Variants in FBXO41 observed in about 807,000 individuals in gnomAD.
FBXO41 encodes F-box protein 41, also known as F-box only protein 41.
In FBXO41, 33 loss-of-function variants were observed where a neutral mutation model predicts 81.6. That is an observed-to-expected ratio of 0.40 (90% CI 0.31 to 0.54). The LOEUF (loss-of-function observed/expected upper bound fraction) is 0.54, where lower values mean the gene tolerates loss of function less well. Among genes scored for constraint, FBXO41 ranks in the 20% least tolerant of loss-of-function variants. The probability of loss-of-function intolerance (pLI) is 0.39; values close to 1 mark genes in which losing one functional copy is unlikely to be tolerated. For missense variants in FBXO41, 1,107 were observed against 1,236.0 expected, an observed-to-expected ratio of 0.90 and a Z score of 1.56; for synonymous variants, 576 against 552.7, an observed-to-expected ratio of 1.04 and a Z score of -0.59.
chr2:73,258,831 AG>A lies in FBXO41; in HGVS notation c.*150del. ...GTCAGGCCTGTTGCTCTGCTGCTCCAGGAGGAGGACAGGAGACTTGACAGTC... is the reference window on the plus strand; with the variant it reads ...GTCAGGCCTGTTGCTCTGCTGCTCCAGAGGAGGACAGGAGACTTGACAGTC... On this transcript the variant is annotated 3_prime_UTR_variant, in exon 13 of 13. Coordinates refer to ENST00000520530, the MANE Select transcript of FBXO41 (RefSeq NM_001371389.2). 1 of 840,456 alleles carries A rather than the reference AG, an allele frequency of 1.2e-6. No individual in the cohort carries two copies. Among genetic ancestry groups the A allele is most frequent in the Non-Finnish European group, 1.8e-6 (1 of 557,220 alleles). The allele number at this position is 840,456 out of a possible 1,614,324, so 52.1% of individuals were successfully genotyped here.
In FBXO41 at chr2:73,268,847, T is replaced by C. The variant is rs779383544; in HGVS notation, c.784A>G (p.Lys262Glu). Reference protein sequence around the residue: ...RQESARLGREKEELEERASEL... With the variant: ...RQESARLGREEEELEERASEL... ...GACGCGCGCTCCTCCAGCTCCTCCT[T>C]CTCGCGCCCGAGCCTCGCACTCTCC... is the stretch of plus-strand genomic sequence containing the variant. The change falls in exon 2 of 13, where the codon AAG (lysine) becomes GAG (glutamate). Residue 262 changes from lysine (K) to glutamate (E), a missense_variant. This residue lies in a region of FBXO41 where 771 missense variants were observed against 789.2 expected (regional missense o/e 0.98). Transcript: ENST00000520530. 5.1e-6 allele frequency: 8 copies of C among 1,572,222 alleles called. No individual in the cohort carries two copies. The highest frequency in any genetic ancestry group is 5.2e-6 in the Non-Finnish European group (6 of 1,160,486).
chr2:73,264,181 G>T (rs1034134002), intron 6 of FBXO41, 97 bp downstream of exon 6: 2 of 1,582,036 alleles, frequency 1.3e-6, no homozygotes, highest in South Asian at 1.1e-5. Flanking sequence ...TTACAGTGTT[G>T]TAAGGGTTGC....
At position 73,276,560 on chromosome 2, in the gene FBXO41, C is replaced by G. The variant is rs941539269; in HGVS notation, c.-138-6792G>C. 4.8e-3 allele frequency among the ~76,000 whole-genome samples: 512 copies of G among 106,414 alleles called. 8 individuals carry two copies. The highest frequency in any genetic ancestry group is 0.018 in the African/African-American group (455 of 25,546). 69.8% of individuals were successfully genotyped at this position (106,414 alleles called of 152,430 possible). ...TAAACAGCTCTCTGGCAAATCTATT[C>G]AGAGAGAGAGAGAGAGAGAGAGAGA... On this transcript the variant is annotated intron_variant, in intron 1 of 12. Coordinates refer to ENST00000520530, the MANE Select transcript of FBXO41 (RefSeq NM_001371389.2).
Position 73,268,857 on chromosome 2 carries a change from G to A in FBXO41, c.774C>T (p.Leu258=), listed in dbSNP as rs1230329080. Residue 258 remains leucine (L), a synonymous_variant, in exon 2 of 13, where the codon CTC becomes CTT. Transcript: ENST00000520530. ...CCTCCAGCTCCTCCTTCTCGCGCCC[G>A]AGCCTCGCACTCTCCTGCCGCGCAG... The part of the protein sequence containing the change: ...LETARQESAR[L]GREKEELEER... 1.3e-6 allele frequency: 2 copies of A among 1,567,678 alleles called. No homozygotes were observed. The highest frequency in any genetic ancestry group is 2.4e-5 in the East Asian group (1 of 41,748).
In FBXO41 at chr2:73,263,467, AAAAG is replaced by A. The variant is rs200534315; in HGVS notation, c.2076-163_2076-160del. 8.1e-3 allele frequency among the ~76,000 whole-genome samples: 1,227 copies of A among 152,242 alleles called. 15 individuals carry two copies. Among genetic ancestry groups the A allele is most frequent in the African/African-American group, 0.027 (1,119 of 41,534 alleles). ...GACCCCGTCTCCATTTAAAAAAAAA[AAAAG>A]AAAGAAAGAAAAAGAAAATATACAA... On this transcript the variant is annotated intron_variant, in intron 8 of 12. Coordinates refer to ENST00000520530, the MANE Select transcript of FBXO41 (RefSeq NM_001371389.2).
At chr2:73,273,126 G>A (rs554317090) in intron 1 of FBXO41, 1 of 152,196 alleles carries the variant, frequency 6.6e-6, no homozygotes, top group Admixed American at 6.5e-5. Flanking sequence ...CATTGTAGTT[G>A]GGCCTTAAAT....
intron 9 of FBXO41, among the ~76,000 whole-genome samples, chr2:73,262,795 G>A (rs1688064329): frequency 6.6e-6 from 1 of 152,090 alleles, no homozygotes; most frequent in Non-Finnish European, 1.5e-5. Flanking sequence ...GCCCAGGCTG[G>A]AGTGCAATGG....
chr2:73,268,927 C>T lies in FBXO41; in HGVS notation c.704G>A (p.Gly235Asp). The T allele has an allele frequency of 6.5e-7, 1 of 1,540,656 alleles. No homozygotes were observed. The highest frequency in any genetic ancestry group is 1.2e-5 in the South Asian group (1 of 83,980). Residue 235 changes from glycine to aspartate, a missense_variant, in exon 2 of 13, where the codon GGC (glycine) becomes GAC (aspartate). This residue lies in a region of FBXO41 where 771 missense variants were observed against 789.2 expected (regional missense o/e 0.98). Transcript: ENST00000520530. ...GCGCTCCAGCTCGGCCTGCAGCCGG[C>T]CCACCTGGCCCGCGATCTTCTGCTC... Reference protein sequence around the residue: ...EVEQKIAGQVGRLQAELERKA... With the variant: ...EVEQKIAGQVDRLQAELERKA...
At chr2:73,268,583 C>T (rs891305720) in intron 2 of FBXO41, 143 bp downstream of exon 2, 8 of 769,004 alleles carry the variant, frequency 1.0e-5, no homozygotes, top group Non-Finnish European at 1.6e-5. Flanking sequence ...ACTCTTGGCC[C>T]CACATGCATG....
chr2:73,280,493 C>T (rs943166579), intron 1 of FBXO41, among the ~76,000 whole-genome samples: 3 of 152,230 alleles, frequency 2.0e-5, no homozygotes, highest in African/African-American at 7.2e-5. Context: ...CCCTGAGCTC[C>T]GCCCACTCTA....
At position 73,269,808 on chromosome 2, in the gene FBXO41, T is replaced by C; in HGVS notation, c.-138-40A>G. On this transcript the variant is annotated intron_variant, in intron 1 of 12. Transcript: ENST00000520530. The surrounding 1 kb of genome is among the most constrained non-coding windows in gnomAD (Gnocchi z 7.0). ...ATGAGTCTTAGGAAGAGGGTATCGC[T>C]GCTCCCACCCTGGCTCCCAGCCCGG... 4.1e-6 allele frequency: 1 copy of C among 243,892 alleles called. No homozygotes were observed. Among genetic ancestry groups the C allele is most frequent in the Non-Finnish European group, 7.4e-6 (1 of 135,998 alleles). 15.1% of individuals were successfully genotyped at this position (243,892 alleles called of 1,614,324 possible).
At chr2:73,262,802 A>G (rs918736380) in intron 9 of FBXO41, among the ~76,000 whole-genome samples, 1 of 152,076 alleles carries the variant, frequency 6.6e-6, no homozygotes, top group African/African-American at 2.4e-5. Context: ...CTGGAGTGCA[A>G]TGGCACGATC....
In FBXO41 at chr2:73,266,875, A is replaced by C; in HGVS notation, c.906-193T>G. On this transcript the variant is annotated intron_variant, in intron 2 of 12. Transcript: ENST00000520530. This position sits in a 1 kb window ranked among gnomAD's most constrained non-coding sequence, Gnocchi z 5.3. Reference sequence around the variant, plus strand: ...GACACATACAGAAATGCATGCATGCACTCCGAGCCACACACTCACACCCCA... The same window carrying C: ...GACACATACAGAAATGCATGCATGCCCTCCGAGCCACACACTCACACCCCA... 1.2e-6 allele frequency: 1 copy of C among 813,384 alleles called. No homozygotes were observed. Among genetic ancestry groups the C allele is most frequent in the Non-Finnish European group, 1.7e-6 (1 of 578,192 alleles). 50.4% of individuals were successfully genotyped at this position (813,384 alleles called of 1,614,324 possible).
At chr2:73,261,682 C>A (rs931225373) in intron 9 of FBXO41, among the ~76,000 whole-genome samples, 13 of 152,220 alleles carry the variant, frequency 8.5e-5, no homozygotes, top group Non-Finnish European at 1.5e-4. Flanking sequence ...GCTTCCAATA[C>A]TTTCTAGATA....
Position 73,268,903 on chromosome 2 carries a change from C to A in FBXO41, c.728G>T (p.Arg243Leu). 1.3e-6 allele frequency: 2 copies of A among 1,546,714 alleles called. No individual in the cohort carries two copies. The highest frequency in any genetic ancestry group is 8.7e-7 in the Non-Finnish European group (1 of 1,148,634). ...CGCAGTCTCCAGTTCGGCCGCCTTG[C>A]GCTCCAGCTCGGCCTGCAGCCGGCC... ...QVGRLQAELE[R>L]KAAELETARQ... is the part of the protein sequence containing the mutation. Residue 243 changes from arginine (R) to leucine (L), a missense_variant, in exon 2 of 13, where the codon CGC becomes CTC. This residue lies in a region of FBXO41 where 771 missense variants were observed against 789.2 expected (regional missense o/e 0.98). Transcript: ENST00000520530.
At position 73,269,947 on chromosome 2, in the gene FBXO41, A is replaced by C. The variant is rs184119258; in HGVS notation, c.-138-179T>G. ...GAGGGCCTGTATGTGTGCAAGAGAC[A>C]GCGAGAGAATGAGATAATCTGTTTT... is the stretch of plus-strand genomic sequence containing the variant. On this transcript the variant is annotated intron_variant, in intron 1 of 12. Transcript: ENST00000520530. The surrounding 1 kb of genome is among the most constrained non-coding windows in gnomAD (Gnocchi z 7.0). Among the ~76,000 whole-genome samples the C allele has an allele frequency of 3.4e-3, 518 of 152,310 alleles. 4 individuals are homozygous for C. The highest frequency in any genetic ancestry group is 0.017 in the Middle Eastern group (5 of 294).
intron 8 of FBXO41, 120 bp from the exon 9 acceptor site, chr2:73,263,428 G>T: frequency 1.3e-6 from 1 of 794,198 alleles, no homozygotes; most frequent in Non-Finnish European, 1.9e-6. Context: ...AGACTAGCTT[G>T]GGCAATACGG....
At position 73,283,705 on chromosome 2, in the gene FBXO41, A is replaced by G. The variant is rs149696036; in HGVS notation, c.-139+455T>C. Among the ~76,000 whole-genome samples, 410 of 152,276 alleles carry G rather than the reference A, an allele frequency of 2.7e-3. 1 individual carries two copies. Among genetic ancestry groups the G allele is most frequent in the Non-Finnish European group, 4.8e-3 (326 of 68,004 alleles). On this transcript the variant is annotated intron_variant, in intron 1 of 12. Transcript: ENST00000520530. Reference sequence around the variant, plus strand: ...CGTGCACACACATGCACACCTCCAGACTATCACACGTGCACACCGGCACGC... The same window carrying G: ...CGTGCACACACATGCACACCTCCAGGCTATCACACGTGCACACCGGCACGC...
chr2:73,280,949 C>T (rs2103919595), intron 1 of FBXO41, among the ~76,000 whole-genome samples: 1 of 152,346 alleles, frequency 6.6e-6, no homozygotes, highest in South Asian at 2.1e-4. Context: ...TATCATGGAA[C>T]TGGATGAACT....
Sources: gnomAD v4.1 joint callset for allele counts (sites outside exome capture counted in the v4.1 genomes callset) on GRCh38, gnomAD v4.1.1 for gene constraint, gnomAD v4.1.1 regional missense constraint, Gnocchi (gnomAD v3.1) non-coding constraint, MANE v1.5 for transcripts, NCBI Gene and HGNC (gene_info 2026-07-23, HGNC 2026-07-21) for gene names.